Variants in IFT27 observed in about 807,000 individuals in gnomAD.
The protein encoded by IFT27 is intraflagellar transport 27.
IFT27 carries 19 observed loss-of-function variants against 23.9 expected under a neutral mutation model. The observed-to-expected ratio is 0.79, with a 90% CI of 0.55 to 1.16. IFT27 has a LOEUF of 1.16. IFT27 is among the 50% of genes most tolerant of loss of function. The pLI, the probability that IFT27 is intolerant of heterozygous loss-of-function variation, is 0.00. For missense variants in IFT27, 206 were observed against 228.7 expected, an observed-to-expected ratio of 0.90 and a Z score of 0.64; for synonymous variants, 91 against 89.1, an observed-to-expected ratio of 1.02 and a Z score of -0.12.
intron 1 of IFT27, 39 bp from the exon 2 acceptor site, chr22:36,767,901 C>CTTTT: frequency 6.5e-7 from 1 of 1,537,738 alleles, no homozygotes; most frequent in Non-Finnish European, 9.0e-7. Flanking sequence ...CGCCTTAGTT[C>CTTTT]TCATCTGACT....
intron 4 of IFT27, among the ~76,000 whole-genome samples, chr22:36,764,616 A>G (rs182661127): frequency 6.5e-4 from 99 of 152,352 alleles, no homozygotes; most frequent in African/African-American, 2.2e-3. Flanking sequence ...GTTTGCTTGC[A>G]TCTTCTTAAT....
intron 4 of IFT27, 134 bp from the exon 5 acceptor site, chr22:36,764,170 C>T: frequency 1.5e-6 from 1 of 686,868 alleles, no homozygotes; most frequent in South Asian, 1.7e-5. Context: ...GCCACACCCC[C>T]AGATGTCCAA....
In IFT27 at chr22:36,758,273, G is replaced by C. The variant is rs368963202; in HGVS notation, c.*38C>G. 3 of 1,453,780 alleles carry C rather than the reference G, an allele frequency of 2.1e-6. No individual in the cohort carries two copies. Among genetic ancestry groups the C allele is most frequent in the Non-Finnish European group, 1.9e-6 (2 of 1,034,102 alleles). 90.1% of individuals were successfully genotyped at this position (1,453,780 alleles called of 1,614,324 possible). The stretch of plus-strand genomic sequence containing the variant: ...ATATTAAAAGAGCAGAGGTAATTCT[G>C]TCTTCTCCGGTTGTGCAGCACGATC... On this transcript the variant is annotated 3_prime_UTR_variant, in exon 7 of 7. Coordinates refer to ENST00000433985, the MANE Select transcript of IFT27 (RefSeq NM_001177701.3).
Position 36,775,657 on chromosome 22 carries a change from CAA to C in IFT27, c.34+15_34+16del, listed in dbSNP as rs1569080900. On this transcript the variant is annotated intron_variant, in intron 1 of 6. Transcript: ENST00000433985. Reference sequence around the variant, plus strand: ...CTCCAGAGACCACCGTATTCAAGCGCAAGTTTTCAGACTCACCTGCCAGGATG... The same window carrying C: ...CTCCAGAGACCACCGTATTCAAGCGCGTTTTCAGACTCACCTGCCAGGATG... 2 of 1,613,982 alleles carry C rather than the reference CAA, an allele frequency of 1.2e-6. No individual in the cohort carries two copies. Among genetic ancestry groups the C allele is most frequent in the Non-Finnish European group, 1.7e-6 (2 of 1,179,970 alleles).
At chr22:36,774,761 G>A (rs1272400141) in intron 1 of IFT27, among the ~76,000 whole-genome samples, 1 of 151,698 alleles carries the variant, frequency 6.6e-6, no homozygotes, top group Admixed American at 6.6e-5. Flanking sequence ...GCAGTGAGCC[G>A]AGATTGCGCC....
intron 1 of IFT27, among the ~76,000 whole-genome samples, chr22:36,773,600 G>A (rs1226991897): frequency 2.0e-5 from 3 of 146,608 alleles, no homozygotes. Flanking sequence ...GTTGCAGTGA[G>A]CTGAGATTGT....
intron 1 of IFT27, among the ~76,000 whole-genome samples, chr22:36,775,424 C>T (rs945495353): frequency 6.6e-6 from 1 of 152,142 alleles, no homozygotes; most frequent in Non-Finnish European, 1.5e-5. Context: ...TAACGAGTCA[C>T]CTCAACTGGT....
chr22:36,763,595 T>C (rs1360659933), intron 5 of IFT27: 4 of 439,626 alleles, frequency 9.1e-6, no homozygotes, highest in African/African-American at 2.0e-5. Context: ...GTACCCCATA[T>C]ACAAGAGAAA....
At chr22:36,766,696 C>T (rs1938258082) in intron 3 of IFT27, among the ~76,000 whole-genome samples, 1 of 152,100 alleles carries the variant, frequency 6.6e-6, no homozygotes, top group Admixed American at 6.5e-5. Context: ...ACAGAGGGTG[C>T]GGGATGACCC....
intron 1 of IFT27, among the ~76,000 whole-genome samples, chr22:36,770,814 T>C (rs1469290537): frequency 6.6e-6 from 1 of 152,152 alleles, no homozygotes. Flanking sequence ...GCTGGGTTTC[T>C]ATCTCAGCCC....
At chr22:36,773,877 A>G (rs56727120) in intron 1 of IFT27, among the ~76,000 whole-genome samples, 1 of 152,070 alleles carries the variant, frequency 6.6e-6, no homozygotes, top group African/African-American at 2.4e-5. Context: ...CAGGGTTGCT[A>G]TGAGGATTCA....
At chr22:36,763,660 C>T in intron 5 of IFT27, 1 of 560,678 alleles carries the variant, frequency 1.8e-6, no homozygotes, top group Non-Finnish European at 3.2e-6. Flanking sequence ...GATATTACAG[C>T]ACCCTCCCGT....
chr22:36,767,383 G>A lies in IFT27; in HGVS notation c.115-18C>T. ...CCTGTTGTCTGCCGAGGAACACCAA[G>A]AATGTTAGCACTGAGGGCCCCCAAA... On this transcript the variant is annotated intron_variant, in intron 2 of 6. Coordinates refer to ENST00000433985, the MANE Select transcript of IFT27 (RefSeq NM_001177701.3). The A allele has an allele frequency of 6.2e-7, 1 of 1,609,056 alleles. No individual in the cohort carries two copies. Among genetic ancestry groups the A allele is most frequent in the Non-Finnish European group, 8.5e-7 (1 of 1,177,004 alleles).
At chr22:36,769,233 G>C (rs1938338981) in intron 1 of IFT27, among the ~76,000 whole-genome samples, 1 of 152,082 alleles carries the variant, frequency 6.6e-6, no homozygotes, top group Admixed American at 6.6e-5. Context: ...TCCCCGCCAA[G>C]GTATCATTCA....
intron 6 of IFT27, chr22:36,762,335 CT>C (rs944007068): frequency 6.6e-6 from 1 of 152,280 alleles, no homozygotes; most frequent in Non-Finnish European, 1.5e-5. Context: ...CTGAAAATCA[CT>C]TGCTTTTTGT....
intron 6 of IFT27, chr22:36,759,242 G>A (rs1253841270): frequency 3.3e-5 from 5 of 152,246 alleles, no homozygotes; most frequent in Non-Finnish European, 5.9e-5. Flanking sequence ...CAGCAAACAC[G>A]CTGCACTCCT....
At chr22:36,764,489 CTCAT>C (rs1478390969) in intron 4 of IFT27, among the ~76,000 whole-genome samples, 4 of 152,340 alleles carry the variant, frequency 2.6e-5, no homozygotes, top group Middle Eastern at 3.4e-3. Flanking sequence ...TGCAGCTGGC[CTCAT>C]TCATTCATTC....
chr22:36,771,003 G>A (rs1274235761), intron 1 of IFT27, among the ~76,000 whole-genome samples: 1 of 152,160 alleles, frequency 6.6e-6, no homozygotes, highest in Non-Finnish European at 1.5e-5. Context: ...TACTACCCTA[G>A]CAATGGCCTG....
intron 1 of IFT27, among the ~76,000 whole-genome samples, chr22:36,769,901 C>T (rs781362146): frequency 6.6e-6 from 1 of 152,216 alleles, no homozygotes; most frequent in African/African-American, 2.4e-5. Context: ...TTTCCTCTGA[C>T]TGTCAGTCAG....
Sources: allele counts gnomAD v4.1 joint callset (sites outside exome capture counted in the v4.1 genomes callset), GRCh38; gene constraint gnomAD v4.1.1; transcripts MANE v1.5; gene names NCBI Gene and HGNC (gene_info 2026-07-23, HGNC 2026-07-21).